Variants in PKHD1 observed in about 807,000 individuals in gnomAD.
The protein encoded by PKHD1 is fibrocystin.
In PKHD1, 291 loss-of-function variants were observed where a neutral mutation model predicts 412.0. The ratio of observed to expected loss-of-function variants is 0.71; its 90% confidence interval spans 0.64 to 0.78. The LOEUF (loss-of-function observed/expected upper bound fraction) is 0.78, where lower values mean the gene tolerates loss of function less well. Among genes scored for constraint, PKHD1 ranks in the 30% least tolerant of loss-of-function variants. PKHD1 has a pLI of 0.00. For synonymous variants in PKHD1, 1,777 were observed against 1,821.5 expected, an observed-to-expected ratio of 0.98 and a Z score of 0.62; for missense variants, 4,825 against 4,950.7, an observed-to-expected ratio of 0.97 and a Z score of 0.76.
At chr6:51,951,305 A>T (rs146694924) in intron 36 of PKHD1, among the ~76,000 whole-genome samples, 197 of 152,264 alleles carry the variant, frequency 1.3e-3, no homozygotes, top group Non-Finnish European at 2.5e-3. Flanking sequence ...TCAAGAAGAA[A>T]GCTATTTCTA....
intron 34 of PKHD1, 59 bp downstream of exon 34, chr6:52,017,351 C>A: frequency 8.3e-7 from 1 of 1,206,904 alleles, no homozygotes; most frequent in Admixed American, 1.7e-5. Context: ...CTGATGGCTC[C>A]ATCGGTCCAT....
chr6:51,688,163 C>T (rs1031860862), intron 60 of PKHD1, among the ~76,000 whole-genome samples: 1 of 152,168 alleles, frequency 6.6e-6, no homozygotes, highest in Non-Finnish European at 1.5e-5. Flanking sequence ...AATTCGTAAG[C>T]ACAATCTAGA....
Position 52,058,506 on chromosome 6 carries a change from C to G in PKHD1, c.1329G>C (p.Lys443Asn), listed in dbSNP as rs776681350. ...DEGTWQQKTP[K>N]LELLGGAMYY... ...ACATGGCTCCACCCAACAGCTCCAA[C>G]TTGGGAGTCTTCTGCTGCCAGGTCC... The change falls in exon 16 of 67, where the codon AAG (lysine) becomes AAC (asparagine). Residue 443 changes from lysine (K) to asparagine (N), a missense_variant. Transcript: ENST00000371117. 2.5e-6 allele frequency: 4 copies of G among 1,614,082 alleles called. No individual in the cohort carries two copies.
chr6:51,888,236 T>C (rs1778514926), intron 43 of PKHD1, among the ~76,000 whole-genome samples: 1 of 152,212 alleles, frequency 6.6e-6, no homozygotes, highest in Admixed American at 6.5e-5. Flanking sequence ...TTATAGGTCT[T>C]ACTATCTAAA....
At chr6:51,736,660 T>A (rs765323620) in intron 60 of PKHD1, among the ~76,000 whole-genome samples, 1 of 152,180 alleles carries the variant, frequency 6.6e-6, no homozygotes, top group Admixed American at 6.5e-5. Context: ...GAAAAGAGAA[T>A]GGTATTTTCC....
chr6:51,817,228 C>T (rs1415802514), intron 52 of PKHD1, among the ~76,000 whole-genome samples: 2 of 152,146 alleles, frequency 1.3e-5, no homozygotes, highest in Non-Finnish European at 2.9e-5. Flanking sequence ...AAGGTATGTG[C>T]CTCTATTTCC....
chr6:51,654,712 C>T (rs550279918), intron 61 of PKHD1, among the ~76,000 whole-genome samples: 78 of 151,254 alleles, frequency 5.2e-4, no homozygotes, highest in African/African-American at 1.9e-3. Context: ...AAATACAAAC[C>T]GCAGGACAAG....
In PKHD1 at chr6:52,026,229, C is replaced by A. The variant is rs766255869; in HGVS notation, c.3629-48G>T. ...AAAATATTATAGCTGATATTCTGAA[C>A]TAAGAATTCATAGCACCTGTGGAAG... On this transcript the variant is annotated intron_variant, in intron 31 of 66. Transcript: ENST00000371117. The A allele has an allele frequency of 4.5e-6, 7 of 1,553,256 alleles. No individual in the cohort carries two copies. The Admixed American group carries it at 8.3e-5, about 19-fold the overall frequency.
intron 49 of PKHD1, among the ~76,000 whole-genome samples, chr6:51,853,203 A>G (rs899021292): frequency 6.6e-6 from 1 of 152,164 alleles, no homozygotes; most frequent in Non-Finnish European, 1.5e-5. Context: ...TGGGTTGAAA[A>G]TTCTTTTCTT....
chr6:52,059,031 T>C (rs1808253402), intron 15 of PKHD1, among the ~76,000 whole-genome samples: 2 of 152,168 alleles, frequency 1.3e-5, no homozygotes, highest in Non-Finnish European at 2.9e-5. Flanking sequence ...AATATTGTGA[T>C]TCTTTGTCAA....
chr6:52,075,898 G>A (rs1007349616), intron 6 of PKHD1, among the ~76,000 whole-genome samples: 3 of 152,164 alleles, frequency 2.0e-5, no homozygotes, highest in African/African-American at 7.2e-5. Context: ...CGAGGATCTA[G>A]TAAGATATCT....
chr6:52,036,544 G>T (rs1803977602), intron 27 of PKHD1, among the ~76,000 whole-genome samples: 1 of 152,210 alleles, frequency 6.6e-6, no homozygotes, highest in Admixed American at 6.5e-5. Context: ...CCCCTTGAGG[G>T]TGGGGAGGGA....
At chr6:52,004,892 T>A (rs528971436) in intron 35 of PKHD1, among the ~76,000 whole-genome samples, 1 of 152,312 alleles carries the variant, frequency 6.6e-6, no homozygotes, top group South Asian at 2.1e-4. Context: ...AGCTATAGCC[T>A]GCTAGACCTC....
rs139916528 is a variant in PKHD1, at chr6:51,754,708, G to A, written c.8797+76C>T. On this transcript the variant is annotated intron_variant, in intron 56 of 66. Transcript: ENST00000371117. ...TCCCCTCTGAATGGCAATCAGATCCGAGGTCCCCAGCTAGGTTACCAAACA... is the reference window on the plus strand; with the variant it reads ...TCCCCTCTGAATGGCAATCAGATCCAAGGTCCCCAGCTAGGTTACCAAACA... 29 of 1,266,904 alleles carry A rather than the reference G, an allele frequency of 2.3e-5. No homozygotes were observed. In the African/African-American group the frequency reaches 3.1e-4, roughly 13 times the overall value. The allele number at this position is 1,266,904 out of a possible 1,614,324, so 78.5% of individuals were successfully genotyped here.
intron 60 of PKHD1, among the ~76,000 whole-genome samples, chr6:51,665,606 A>G (rs1436871520): frequency 6.6e-6 from 1 of 152,158 alleles, no homozygotes; most frequent in East Asian, 1.9e-4. Context: ...TTTTATCTTT[A>G]ATGTTATTGG....
intron 35 of PKHD1, among the ~76,000 whole-genome samples, chr6:51,981,394 G>A (rs1474411431): frequency 4.6e-5 from 5 of 109,390 alleles, no homozygotes; most frequent in South Asian, 3.4e-4. Flanking sequence ...CTCTGATGCC[G>A]AGCCAAGGCT....
At chr6:52,037,098 C>T (rs1418789542) in intron 27 of PKHD1, among the ~76,000 whole-genome samples, 1 of 151,658 alleles carries the variant, frequency 6.6e-6, no homozygotes, top group African/African-American at 2.4e-5. Context: ...CAGTATGAGG[C>T]TATAGATTAG....
chr6:51,649,290 C>T, intron 61 of PKHD1, 70 bp from the exon 62 acceptor site: 2 of 1,182,606 alleles, frequency 1.7e-6, no homozygotes, highest in Non-Finnish European at 1.3e-6. Context: ...CAATTTTCCA[C>T]AATCCATTAT....
chr6:51,815,254 A>G (rs1765265123), intron 52 of PKHD1, among the ~76,000 whole-genome samples: 1 of 152,234 alleles, frequency 6.6e-6, no homozygotes, highest in Non-Finnish European at 1.5e-5. Flanking sequence ...TAAAAAGTCA[A>G]ATAAGACATA....
Sources: gnomAD v4.1 joint callset for allele counts (sites outside exome capture counted in the v4.1 genomes callset) on GRCh38, gnomAD v4.1.1 for gene constraint, MANE v1.5 for transcripts, NCBI Gene and HGNC (gene_info 2026-07-23, HGNC 2026-07-21) for gene names.